USP32: variants seen among roughly 807,000 people sequenced by gnomAD.
The protein encoded by USP32 is ubiquitin specific peptidase 32, also known as ubiquitin carboxyl-terminal hydrolase 32.
USP32 carries 59 observed loss-of-function variants against 204.8 expected under a neutral mutation model. The ratio of observed to expected loss-of-function variants is 0.29; its 90% CI spans 0.23 to 0.36. USP32 has a LOEUF of 0.36. USP32 is among the 10% of genes least tolerant of loss of function. USP32 has a pLI of 1.00. For missense variants in USP32, 1,160 were observed against 1,946.4 expected, an observed-to-expected ratio of 0.60 and a Z score of 7.60; for synonymous variants, 517 against 678.4, an observed-to-expected ratio of 0.76 and a Z score of 3.70.
intron 2 of USP32, among the ~76,000 whole-genome samples, chr17:60,321,706 A>C (rs975847634): frequency 6.6e-6 from 1 of 152,242 alleles, no homozygotes; most frequent in Non-Finnish European, 1.5e-5. Flanking sequence ...AAAATTTTAC[A>C]ATGAAAAATA....
chr17:60,193,022 G>C, intron 27 of USP32, 92 bp from the exon 28 acceptor site: 1 of 1,378,442 alleles, frequency 7.3e-7, no homozygotes, highest in Admixed American at 1.9e-5. Flanking sequence ...CCCTAGGAAG[G>C]GGCATTTGCC....
chr17:60,381,908 A>G (rs569865255), intron 1 of USP32, among the ~76,000 whole-genome samples: 153 of 152,332 alleles, frequency 1.0e-3, no homozygotes, highest in Non-Finnish European at 1.8e-3. Context: ...GGTCACCACT[A>G]TTCTGTCACC....
intron 26 of USP32, among the ~76,000 whole-genome samples, chr17:60,200,492 G>A (rs1368309895): frequency 2.6e-5 from 4 of 151,602 alleles, no homozygotes; most frequent in African/African-American, 4.8e-5. Context: ...CACAGGAGGC[G>A]GAGGTTGCAG....
intron 9 of USP32, among the ~76,000 whole-genome samples, chr17:60,259,718 T>C (rs1157192152): frequency 6.6e-6 from 1 of 152,238 alleles, no homozygotes; most frequent in Non-Finnish European, 1.5e-5. Context: ...CTTATAATTT[T>C]CATTTTGCAA....
chr17:60,319,163 T>C (rs1474007294), intron 2 of USP32, among the ~76,000 whole-genome samples: 2 of 152,186 alleles, frequency 1.3e-5, no homozygotes, highest in Non-Finnish European at 2.9e-5. Context: ...TAGAAAAAGA[T>C]AGTGGTGATG....
At chr17:60,201,213 A>G (rs910313007) in intron 26 of USP32, among the ~76,000 whole-genome samples, 2 of 152,192 alleles carry the variant, frequency 1.3e-5, no homozygotes, top group African/African-American at 4.8e-5. Context: ...AGATTCATTT[A>G]TACTCTATAT....
upstream of USP32, among the ~76,000 whole-genome samples, chr17:60,395,988 T>C (rs973367956): frequency 1.3e-5 from 2 of 151,936 alleles, no homozygotes; most frequent in Admixed American, 6.6e-5. Context: ...TTCAGTATTA[T>C]GGACTTGTTA....
chr17:60,302,672 C>T (rs1439135374), intron 2 of USP32, among the ~76,000 whole-genome samples: 5 of 152,284 alleles, frequency 3.3e-5, no homozygotes, highest in African/African-American at 1.2e-4. Flanking sequence ...CCTCCAATAG[C>T]CACAATAATG....
At chr17:60,331,567 A>G (rs2088384633) in intron 2 of USP32, among the ~76,000 whole-genome samples, 2 of 146,286 alleles carry the variant, frequency 1.4e-5, no homozygotes, top group African/African-American at 5.0e-5. Flanking sequence ...CCCCATCTCA[A>G]AAAAAAATAA....
chr17:60,299,235 A>G (rs1414151607), intron 3 of USP32, among the ~76,000 whole-genome samples: 1 of 152,224 alleles, frequency 6.6e-6, no homozygotes, highest in African/African-American at 2.4e-5. Flanking sequence ...CCTCAATAAA[A>G]CTTTTCTTAA....
At chr17:60,332,491 T>TA (rs944291159) in intron 2 of USP32, among the ~76,000 whole-genome samples, 5 of 148,448 alleles carry the variant, frequency 3.4e-5, no homozygotes, top group African/African-American at 1.2e-4. Context: ...CTACTAAAAA[T>TA]AAAAAAATTA....
At chr17:60,243,187 T>C (rs2085924313) in intron 11 of USP32, among the ~76,000 whole-genome samples, 1 of 152,224 alleles carries the variant, frequency 6.6e-6, no homozygotes, top group Admixed American at 6.5e-5. Flanking sequence ...GACAATTCAA[T>C]TGATTGCTTA....
chr17:60,419,922 T>C (rs941205269), intron 1 of USP32, among the ~76,000 whole-genome samples: 17 of 148,082 alleles, frequency 1.1e-4, no homozygotes, highest in Admixed American at 8.1e-4. Flanking sequence ...TGCAGGGGCA[T>C]GGTCTTGGCT....
At position 60,236,869 on chromosome 17, in the gene USP32, TCTTTGA is replaced by T. The variant is rs1285523258; in HGVS notation, c.1137-635_1137-630del. On this transcript the variant is annotated intron_variant, in intron 11 of 33. Coordinates refer to ENST00000300896, the MANE Select transcript of USP32 (RefSeq NM_032582.4). ...CACATGGCCTTTTAAAAATTTGGCC[TCTTTGA>T]CTTTGCGTGTTTTTGTGGTTCATCT... Among the ~76,000 whole-genome samples the T allele has an allele frequency of 3.3e-5, 5 of 152,250 alleles. No homozygotes were observed. The East Asian group carries it at 7.7e-4, about 23-fold the overall frequency.
intron 5 of USP32, among the ~76,000 whole-genome samples, chr17:60,277,277 GACA>G (rs2086862309): frequency 6.6e-6 from 1 of 152,156 alleles, no homozygotes; most frequent in Admixed American, 6.5e-5. Flanking sequence ...TCCAGCTGCA[GACA>G]ACAACTCTTT....
In USP32 at chr17:60,288,504, A is replaced by G. The variant is rs2087181664; in HGVS notation, c.571+19T>C. The G allele has an allele frequency of 6.4e-7, 1 of 1,570,278 alleles. No homozygotes were observed. The highest frequency in any genetic ancestry group is 8.6e-7 in the Non-Finnish European group (1 of 1,164,548). On this transcript the variant is annotated intron_variant, in intron 5 of 33. Transcript: ENST00000300896. Reference sequence around the variant, plus strand: ...TATAAAAAAAGGCAAACAGAAAACAATGAAATGTCATTACTTACAATGTGT... The same window carrying G: ...TATAAAAAAAGGCAAACAGAAAACAGTGAAATGTCATTACTTACAATGTGT...
intron 11 of USP32, among the ~76,000 whole-genome samples, chr17:60,250,773 G>A (rs1479214900): frequency 2.0e-5 from 3 of 151,920 alleles, no homozygotes; most frequent in African/African-American, 7.3e-5. Flanking sequence ...GCAATACAGT[G>A]AGACCCCATC....
Position 60,421,967 on chromosome 17 carries a change from T to C in USP32, c.106+279A>G, listed in dbSNP as rs2090123073. 5.1e-6 allele frequency: 5 copies of C among 984,842 alleles called. No homozygotes were observed. In the South Asian group the frequency reaches 1.9e-4, roughly 37 times the overall value. The allele number at this position is 984,842 out of a possible 1,614,324, so 61.0% of individuals were successfully genotyped here. A position where few individuals can be genotyped will look rare whatever the true frequency, so the allele number is the denominator to read the frequency against. ...GGAGGGTTACAGAGCCCGTAGGCAC[T>C]GGCGGGGATCTTTATACACCCCCAA... On this transcript the variant is annotated intron_variant, in intron 1 of 3. Coordinates refer to the USP32 transcript ENST00000588898.
rs1307789444 is a variant in USP32 at position 60,413,861 on chromosome 17, C to CAAAAAAAAA, written c.106+8376_106+8384dup. 8.8e-4 allele frequency among the ~76,000 whole-genome samples: 28 copies of CAAAAAAAAA among 31,714 alleles called. 1 individual carries two copies. The highest frequency in any genetic ancestry group is 3.2e-3 in the African/African-American group (27 of 8,514). The allele number at this position is 31,714 out of a possible 152,430, so 20.8% of individuals were successfully genotyped here. On this transcript the variant is annotated intron_variant, in intron 1 of 3. Coordinates refer to the USP32 transcript ENST00000588898. ...GCCTGGCGACAGCTAGATTCTGTCT[C>CAAAAAAAAA]AAAAAAAAAAAAAAGAAAAAAAAAA... is the stretch of plus-strand genomic sequence containing the variant.
Sources: allele counts gnomAD v4.1 joint callset (sites outside exome capture counted in the v4.1 genomes callset), GRCh38; gene constraint gnomAD v4.1.1; transcripts MANE v1.5; gene names NCBI Gene and HGNC (gene_info 2026-07-23, HGNC 2026-07-21).